The following AP3S1 variants were observed in gnomAD, a reference collection of about 807,000 sequenced individuals.
AP3S1 encodes the protein adaptor related protein complex 3 subunit sigma 1, also known as AP-3 complex subunit sigma-1.
AP3S1 carries 12 observed loss-of-function variants against 21.3 expected under a neutral mutation model. That is an observed-to-expected ratio of 0.56 (90% CI 0.36 to 0.91). The LOEUF (loss-of-function observed/expected upper bound fraction) is 0.91, where lower values mean the gene tolerates loss of function less well. AP3S1 is among the 40% of genes least tolerant of loss of function. The probability of loss-of-function intolerance (pLI) is 0.01; values close to 1 mark genes in which losing one functional copy is unlikely to be tolerated. For synonymous variants in AP3S1, 48 were observed against 78.4 expected (o/e 0.61, Z 2.05); for missense variants, 116 against 225.0 (o/e 0.52, Z 3.10).
chr5:115,885,141 C>T (rs1352998930), intron 3 of AP3S1, among the ~76,000 whole-genome samples: 1 of 152,162 alleles, frequency 6.6e-6, no homozygotes, highest in Non-Finnish European at 1.5e-5. Flanking sequence ...GTTCCAAAGA[C>T]AACATTAATG....
chr5:115,870,317 A>G (rs901634596), intron 3 of AP3S1, among the ~76,000 whole-genome samples, 189 bp downstream of exon 3: 1 of 152,238 alleles, frequency 6.6e-6, no homozygotes, highest in Non-Finnish European at 1.5e-5. Context: ...TAAAACTATC[A>G]TAACTAGTTT....
chr5:115,913,222 C>A (rs1004759586), intron 5 of AP3S1, 140 bp from the exon 6 acceptor site: 3 of 739,976 alleles, frequency 4.1e-6, no homozygotes, highest in African/African-American at 3.6e-5. Flanking sequence ...GTAACCATTC[C>A]ATACCAATTC....
chr5:115,863,670 G>A (rs79951387), intron 1 of AP3S1, among the ~76,000 whole-genome samples: 7,135 of 152,188 alleles, frequency 0.047, 179 homozygotes, highest in African/African-American at 0.069. Flanking sequence ...TTTTTACGTC[G>A]TATTGAAAAT....
At chr5:115,866,191 T>G (rs1286112084) in intron 1 of AP3S1, among the ~76,000 whole-genome samples, 1 of 152,250 alleles carries the variant, frequency 6.6e-6, no homozygotes, top group Non-Finnish European at 1.5e-5. Context: ...TATATAAAGA[T>G]GAGTAAGATG....
chr5:115,854,767 C>A lies in AP3S1; in HGVS notation c.70-11903C>A, dbSNP rs1314734119. Among the ~76,000 whole-genome samples the A allele has an allele frequency of 2.0e-5, 3 of 151,490 alleles. No individual in the cohort carries two copies. In the East Asian group the frequency reaches 5.8e-4, roughly 29 times the overall value. On this transcript the variant is annotated intron_variant, in intron 1 of 5. Coordinates refer to ENST00000316788, the MANE Select transcript of AP3S1 (RefSeq NM_001284.4). ...GATTTTGTCCACATTTTACTTCTGC[C>A]CTTCATGTAACTTCATACTCCCCAT...
chr5:115,904,628 A>G (rs1040241666), intron 5 of AP3S1, among the ~76,000 whole-genome samples: 8 of 152,236 alleles, frequency 5.3e-5, no homozygotes, highest in East Asian at 1.9e-4. Context: ...AGTGGAAAAC[A>G]TAAATTAGGT....
At chr5:115,881,114 C>G (rs957260536) in intron 3 of AP3S1, among the ~76,000 whole-genome samples, 1 of 152,006 alleles carries the variant, frequency 6.6e-6, no homozygotes, top group African/African-American at 2.4e-5. Flanking sequence ...AAGGGGTCTT[C>G]TGAATACAGC....
intron 5 of AP3S1, among the ~76,000 whole-genome samples, chr5:115,908,285 A>T (rs1179449231): frequency 2.0e-5 from 3 of 152,124 alleles, no homozygotes; most frequent in African/African-American, 7.2e-5. Flanking sequence ...TATTACTGCT[A>T]TTTTCCAGCA....
intron 3 of AP3S1, among the ~76,000 whole-genome samples, chr5:115,884,931 A>C (rs906116226): frequency 6.6e-6 from 1 of 152,204 alleles, no homozygotes; most frequent in Non-Finnish European, 1.5e-5. Flanking sequence ...CAGACATTCT[A>C]TCACATAGAA....
intron 3 of AP3S1, among the ~76,000 whole-genome samples, chr5:115,879,231 T>C (rs1370877398): frequency 6.6e-6 from 1 of 152,222 alleles, no homozygotes; most frequent in Admixed American, 6.5e-5. Flanking sequence ...CTTCCAATAC[T>C]GTGTTGAATA....
In AP3S1 at chr5:115,880,871, C is replaced by T. The variant is rs151253488; in HGVS notation, c.273+10743C>T. ...GTTTCTAAGAACTTGCTTTATGAAT[C>T]TGGGTGCTCCTGTGTTGGGTGCATA... On this transcript the variant is annotated intron_variant, in intron 3 of 5. Coordinates refer to ENST00000316788, the MANE Select transcript of AP3S1 (RefSeq NM_001284.4). Among the ~76,000 whole-genome samples the T allele has an allele frequency of 6.9e-3, 1,055 of 152,244 alleles. 13 individuals carry two copies. Among genetic ancestry groups the T allele is most frequent in the African/African-American group, 0.025 (1,027 of 41,536 alleles).
At chr5:115,875,724 C>T (rs961017661) in intron 3 of AP3S1, among the ~76,000 whole-genome samples, 1 of 152,110 alleles carries the variant, frequency 6.6e-6, no homozygotes, top group Non-Finnish European at 1.5e-5. Flanking sequence ...GAAAATTCTG[C>T]CTCCTACATT....
chr5:115,909,719 A>T (rs543821734), intron 5 of AP3S1, among the ~76,000 whole-genome samples: 1 of 152,308 alleles, frequency 6.6e-6, no homozygotes, highest in South Asian at 2.1e-4. Flanking sequence ...TTTAAGAACT[A>T]TGTTGTACTG....
chr5:115,887,379 T>G (rs1220378447), intron 3 of AP3S1, among the ~76,000 whole-genome samples: 1 of 151,938 alleles, frequency 6.6e-6, no homozygotes, highest in Non-Finnish European at 1.5e-5. Context: ...TTTTTTTCAT[T>G]TATTATTGTA....
At chr5:115,868,680 G>A (rs1026722281) in intron 2 of AP3S1, among the ~76,000 whole-genome samples, 4 of 151,544 alleles carry the variant, frequency 2.6e-5, no homozygotes, top group African/African-American at 4.9e-5. Context: ...TCAGGAGTTC[G>A]AGACCAGCCT....
At chr5:115,898,035 C>G (rs1318375830) in intron 4 of AP3S1, among the ~76,000 whole-genome samples, 1 of 152,056 alleles carries the variant, frequency 6.6e-6, no homozygotes, top group Non-Finnish European at 1.5e-5. Context: ...ATGTTAGCCA[C>G]TTAAAACAAA....
chr5:115,860,592 A>T (rs1421251298), intron 1 of AP3S1, among the ~76,000 whole-genome samples: 1 of 152,182 alleles, frequency 6.6e-6, no homozygotes, highest in African/African-American at 2.4e-5. Context: ...GCACCAATTC[A>T]TGAGGTTTTT....
At chr5:115,896,243 C>A (rs1174295134) in intron 4 of AP3S1, among the ~76,000 whole-genome samples, 1 of 152,144 alleles carries the variant, frequency 6.6e-6, no homozygotes, top group African/African-American at 2.4e-5. Context: ...GAATGCATTT[C>A]ATTATTTGTG....
At chr5:115,896,324 T>C (rs1288299112) in intron 4 of AP3S1, among the ~76,000 whole-genome samples, 1 of 152,248 alleles carries the variant, frequency 6.6e-6, no homozygotes, top group Admixed American at 6.5e-5. Context: ...AGTGATTTGA[T>C]TTTATAAATT....
Sources: allele counts gnomAD v4.1 joint callset (sites outside exome capture counted in the v4.1 genomes callset), GRCh38; gene constraint gnomAD v4.1.1; transcripts MANE v1.5; gene names NCBI Gene and HGNC (gene_info 2026-07-23, HGNC 2026-07-21).